Variants in PTPRM observed in about 807,000 individuals in gnomAD.
PTPRM encodes the protein receptor-type tyrosine-protein phosphatase mu.
PTPRM carries 47 observed loss-of-function variants against 186.7 expected under a neutral mutation model. The ratio of observed to expected loss-of-function variants is 0.25; its 90% CI spans 0.20 to 0.32. The LOEUF (loss-of-function observed/expected upper bound fraction) is 0.32, where lower values mean the gene tolerates loss of function less well. Ranked by LOEUF, PTPRM falls within the 10% of genes least tolerant of loss-of-function variation. The probability of loss-of-function intolerance (pLI) is 1.00; values close to 1 mark genes in which losing one functional copy is unlikely to be tolerated. For missense variants in PTPRM, 1,494 were observed against 1,865.0 expected (o/e 0.80, Z 3.66); for synonymous variants, 668 against 674.9 (o/e 0.99, Z 0.16).
chr18:7,934,312 T>A (rs2051667690), intron 5 of PTPRM, among the ~76,000 whole-genome samples: 1 of 145,718 alleles, frequency 6.9e-6, no homozygotes, highest in African/African-American at 2.7e-5. Flanking sequence ...TAGAGATTGA[T>A]ATATTTTTTT....
At chr18:8,016,030 A>C (rs2084837916) in intron 7 of PTPRM, among the ~76,000 whole-genome samples, 2 of 152,154 alleles carry the variant, frequency 1.3e-5, no homozygotes, top group Admixed American at 1.3e-4. Context: ...TAAACACTGA[A>C]ATGAAATTTT....
At position 8,356,973 on chromosome 18, in the gene PTPRM, C is replaced by T. The variant is rs564304421; in HGVS notation, c.3054+13453C>T. ...CTGTTTGCTGTTTACATTTTGGTGA[C>T]GGGATCCATTTGAATAACAAAAGCA... On this transcript the variant is annotated intron_variant, in intron 23 of 32. Coordinates refer to ENST00000580170, the MANE Select transcript of PTPRM (RefSeq NM_001105244.2). 5.3e-5 allele frequency among the ~76,000 whole-genome samples: 8 copies of T among 152,288 alleles called. No individual in the cohort carries two copies. In the South Asian group the frequency reaches 6.2e-4, roughly 12 times the overall value.
intron 14 of PTPRM, among the ~76,000 whole-genome samples, chr18:8,209,380 T>C (rs970714773): frequency 6.6e-6 from 1 of 151,950 alleles, no homozygotes; most frequent in Admixed American, 6.5e-5. Context: ...TGCTGATAGA[T>C]TGAAGTGTCA....
chr18:8,258,172 G>A (rs1410266269), intron 19 of PTPRM, among the ~76,000 whole-genome samples: 2 of 152,184 alleles, frequency 1.3e-5, no homozygotes, highest in African/African-American at 2.4e-5. Flanking sequence ...AGAGCAGAAA[G>A]GGCAAGTTTG....
At position 8,370,872 on chromosome 18, in the gene PTPRM, C is replaced by G. The variant is rs531428315; in HGVS notation, c.3055-18C>G. 2 of 1,505,658 alleles carry G rather than the reference C, an allele frequency of 1.3e-6. No individual in the cohort carries two copies. The highest frequency in any genetic ancestry group is 1.9e-5 in the Admixed American group (1 of 52,276). 93.3% of individuals were successfully genotyped at this position (1,505,658 alleles called of 1,614,324 possible). A position where few individuals can be genotyped will look rare whatever the true frequency, so the allele number is the denominator to read the frequency against. On this transcript the variant is annotated intron_variant, in intron 23 of 32. Transcript: ENST00000580170. ...AAACCAAACTGTAAACCCATAATTT[C>G]TTTTATGTTTTCTAAAGGTCAAATG...
At chr18:8,158,789 G>A (rs1021106608) in intron 14 of PTPRM, among the ~76,000 whole-genome samples, 4 of 152,166 alleles carry the variant, frequency 2.6e-5, no homozygotes, top group African/African-American at 9.7e-5. Context: ...GTGTCCCATG[G>A]CAAGAGCAGG....
At chr18:7,949,519 C>T (rs573671853) in intron 6 of PTPRM, among the ~76,000 whole-genome samples, 164 bp downstream of exon 6, 41 of 152,208 alleles carry the variant, frequency 2.7e-4, no homozygotes, top group African/African-American at 8.7e-4. Context: ...AAATTTTGCA[C>T]GTGAACAATA....
chr18:7,571,694 G>C (rs1362601429), intron 1 of PTPRM, among the ~76,000 whole-genome samples: 7 of 152,260 alleles, frequency 4.6e-5, no homozygotes, highest in Middle Eastern at 3.4e-3. Context: ...ATATTTTAAG[G>C]ATGTTTGTGG....
At chr18:8,231,609 T>C (rs1184260527) in intron 14 of PTPRM, among the ~76,000 whole-genome samples, 2 of 152,204 alleles carry the variant, frequency 1.3e-5, no homozygotes, top group African/African-American at 4.8e-5. Flanking sequence ...TAAACATTTT[T>C]ACTGTAGAAA....
chr18:8,099,141 C>G (rs2091163297), intron 11 of PTPRM, among the ~76,000 whole-genome samples: 2 of 149,322 alleles, frequency 1.3e-5, no homozygotes, highest in African/African-American at 4.9e-5. Context: ...CAGTCTCTTT[C>G]TCTCTCTCTC....
chr18:7,638,368 C>A (rs2038367700), intron 1 of PTPRM, among the ~76,000 whole-genome samples: 1 of 152,104 alleles, frequency 6.6e-6, no homozygotes, highest in Non-Finnish European at 1.5e-5. Context: ...TTCTAGGGCT[C>A]AAGGTTTTAT....
At chr18:8,119,713 G>T (rs593339) in intron 13 of PTPRM, among the ~76,000 whole-genome samples, 1 of 151,876 alleles carries the variant, frequency 6.6e-6, no homozygotes, top group Non-Finnish European at 1.5e-5. Flanking sequence ...AAGGAACACT[G>T]GAGTCATGCA....
intron 6 of PTPRM, among the ~76,000 whole-genome samples, chr18:7,950,592 T>G (rs2052878887): frequency 6.6e-6 from 1 of 152,098 alleles, no homozygotes; most frequent in Admixed American, 6.5e-5. Context: ...CAGATAATAA[T>G]GTTATCTACC....
chr18:8,272,234 A>G (rs2094781829), intron 19 of PTPRM, among the ~76,000 whole-genome samples: 1 of 151,558 alleles, frequency 6.6e-6, no homozygotes, highest in Non-Finnish European at 1.5e-5. Context: ...GAAAGAAAGA[A>G]AGAAAAAAGA....
chr18:7,690,333 A>G (rs1481379317), intron 1 of PTPRM, among the ~76,000 whole-genome samples: 1 of 152,246 alleles, frequency 6.6e-6, no homozygotes, highest in Non-Finnish European at 1.5e-5. Flanking sequence ...ATTGTGTTTT[A>G]AACTGTAGTT....
At chr18:7,650,293 T>C (rs908026501) in intron 1 of PTPRM, among the ~76,000 whole-genome samples, 1 of 152,326 alleles carries the variant, frequency 6.6e-6, no homozygotes, top group Non-Finnish European at 1.5e-5. Flanking sequence ...TAACCAGCCC[T>C]ATATTTGTTT....
intron 1 of PTPRM, among the ~76,000 whole-genome samples, chr18:7,627,896 T>C (rs932315415): frequency 1.2e-4 from 19 of 152,150 alleles, no homozygotes; most frequent in Non-Finnish European, 2.4e-4. Context: ...AGGAGTTCCA[T>C]TGATTCCAAA....
intron 19 of PTPRM, among the ~76,000 whole-genome samples, chr18:8,278,566 G>T (rs1465037676): frequency 6.6e-6 from 1 of 152,146 alleles, no homozygotes; most frequent in Non-Finnish European, 1.5e-5. Flanking sequence ...ATAAATAAAT[G>T]AAAGACCTGA....
chr18:8,280,824 C>A (rs888063069), intron 19 of PTPRM, among the ~76,000 whole-genome samples: 1 of 152,142 alleles, frequency 6.6e-6, no homozygotes, highest in Non-Finnish European at 1.5e-5. Flanking sequence ...GCACCCTGCA[C>A]CTGCCTGCTT....
Sources: allele counts gnomAD v4.1 joint callset (sites outside exome capture counted in the v4.1 genomes callset), GRCh38; gene constraint gnomAD v4.1.1; transcripts MANE v1.5; gene names NCBI Gene and HGNC (gene_info 2026-07-23, HGNC 2026-07-21).